The following MBD5 variants were observed in gnomAD, a reference collection of about 807,000 sequenced individuals.
The protein encoded by MBD5 is methyl-CpG-binding domain protein 5.
MBD5 carries 13 observed loss-of-function variants against 117.3 expected under a neutral mutation model. That is an observed-to-expected ratio of 0.11 (90% CI 0.07 to 0.18). MBD5 has a LOEUF of 0.18. MBD5 is among the 10% of genes least tolerant of loss of function. The pLI is 1.00. For synonymous variants in MBD5, 727 were observed against 766.4 expected (o/e 0.95, Z 0.85); for missense variants, 1,879 against 2,093.8 (o/e 0.90, Z 2.00).
intron 1 of MBD5, among the ~76,000 whole-genome samples, chr2:148,062,818 T>C (rs139895880): frequency 2.7e-4 from 41 of 152,236 alleles, no homozygotes; most frequent in Non-Finnish European, 3.4e-4. Flanking sequence ...AAAATCACAC[T>C]CTTTTTCTAG....
chr2:148,277,244 T>A (rs1003057539), intron 3 of MBD5, among the ~76,000 whole-genome samples: 1 of 152,106 alleles, frequency 6.6e-6, no homozygotes, highest in Non-Finnish European at 1.5e-5. Context: ...TGAATAATAT[T>A]TGGGTAATAG....
At chr2:148,104,264 C>G (rs983148850) in intron 1 of MBD5, among the ~76,000 whole-genome samples, 3 of 151,936 alleles carry the variant, frequency 2.0e-5, no homozygotes, top group Non-Finnish European at 4.4e-5. Flanking sequence ...AATCTTGTAC[C>G]TGATACTTGG....
At chr2:148,151,247 T>C (rs1467528783) in intron 1 of MBD5, among the ~76,000 whole-genome samples, 1 of 152,090 alleles carries the variant, frequency 6.6e-6, no homozygotes, top group Non-Finnish European at 1.5e-5. Context: ...ATTACATTTA[T>C]TGATTTGCAT....
At chr2:148,107,958 C>T (rs1696411496) in intron 1 of MBD5, among the ~76,000 whole-genome samples, 1 of 152,054 alleles carries the variant, frequency 6.6e-6, no homozygotes, top group South Asian at 2.1e-4. Context: ...TGTAGGATCA[C>T]TTTAAATTGT....
chr2:148,307,396 T>C (rs1701919021), intron 3 of MBD5, among the ~76,000 whole-genome samples: 1 of 15,278 alleles, frequency 6.5e-5, no homozygotes, highest in African/African-American at 7.0e-5. Flanking sequence ...AATTTCTTTT[T>C]CACAAACTTT....
At chr2:148,209,790 G>C (rs140210670) in intron 2 of MBD5, among the ~76,000 whole-genome samples, 1 of 151,912 alleles carries the variant, frequency 6.6e-6, no homozygotes, top group Admixed American at 6.6e-5. Flanking sequence ...AGCAAGGGGC[G>C]GGGGGAGGTG....
chr2:148,329,073 T>C (rs931597529), intron 3 of MBD5, among the ~76,000 whole-genome samples: 1 of 152,186 alleles, frequency 6.6e-6, no homozygotes, highest in African/African-American at 2.4e-5. Context: ...TAGGTAATGA[T>C]AATAGAGGGT....
At chr2:148,091,946 G>A (rs1184669408) in intron 1 of MBD5, among the ~76,000 whole-genome samples, 3 of 151,994 alleles carry the variant, frequency 2.0e-5, no homozygotes, top group Non-Finnish European at 4.4e-5. Flanking sequence ...GAATCTACAA[G>A]GAACTCAAAC....
intron 1 of MBD5, among the ~76,000 whole-genome samples, chr2:148,103,978 A>T (rs1258249845): frequency 6.6e-6 from 1 of 152,152 alleles, no homozygotes; most frequent in African/African-American, 2.4e-5. Flanking sequence ...TGAGGCTGTG[A>T]GAATATGAGA....
intron 1 of MBD5, among the ~76,000 whole-genome samples, chr2:148,081,697 G>A (rs531787789): frequency 1.3e-5 from 2 of 152,044 alleles, no homozygotes; most frequent in African/African-American, 2.4e-5. Context: ...CTGTGTTGCC[G>A]CAGAACCCAT....
chr2:148,510,116 T>C lies in MBD5; in HGVS notation c.5093T>C (p.Leu1698Pro). 1.2e-6 allele frequency: 2 copies of C among 1,611,070 alleles called. No individual in the cohort carries two copies. Among genetic ancestry groups the C allele is most frequent in the Non-Finnish European group, 8.5e-7 (1 of 1,177,356 alleles). Residue 1698 changes from leucine (L) to proline (P), a missense_variant, in exon 13 of 14, where the codon CTG becomes CCG. Transcript: ENST00000642680. ...GCTATTCATGAGGCCATGAGTGAAC[T>C]GGACAAAATGTCTGGGACTGTAAGT... ...EAAIHEAMSE[L>P]DKMSGTVHQI...
At chr2:148,328,179 G>A (rs1702518240) in intron 3 of MBD5, among the ~76,000 whole-genome samples, 1 of 152,240 alleles carries the variant, frequency 6.6e-6, no homozygotes, top group African/African-American at 2.4e-5. Flanking sequence ...GGACCCACTT[G>A]AGGAGGCAGT....
At chr2:148,022,740 A>C (rs1328011181) in intron 1 of MBD5, among the ~76,000 whole-genome samples, 1 of 152,216 alleles carries the variant, frequency 6.6e-6, no homozygotes, top group Non-Finnish European at 1.5e-5. Context: ...AATTTCTAAA[A>C]TATGTTTTCA....
chr2:148,491,546 T>G (rs1273773691), intron 11 of MBD5, among the ~76,000 whole-genome samples: 2 of 152,044 alleles, frequency 1.3e-5, no homozygotes, highest in Non-Finnish European at 2.9e-5. Flanking sequence ...TGCTCAAACT[T>G]TCACTGGCAC....
intron 1 of MBD5, among the ~76,000 whole-genome samples, chr2:148,124,050 A>G (rs532067450): frequency 1.3e-5 from 2 of 152,152 alleles, no homozygotes; most frequent in East Asian, 3.9e-4. Context: ...TGGCCAAGGA[A>G]GGTGGATCAC....
intron 3 of MBD5, among the ~76,000 whole-genome samples, chr2:148,328,580 T>C (rs899593831): frequency 1.3e-5 from 2 of 152,132 alleles, no homozygotes; most frequent in Non-Finnish European, 2.9e-5. Context: ...AAGCGCAGTA[T>C]TCGGGTGGGA....
chr2:148,253,895 G>A (rs983499571), intron 3 of MBD5, among the ~76,000 whole-genome samples: 11 of 152,328 alleles, frequency 7.2e-5, no homozygotes, highest in South Asian at 4.2e-4. Flanking sequence ...GTGCGGGGTT[G>A]TGCACCTGCA....
intron 12 of MBD5, among the ~76,000 whole-genome samples, chr2:148,509,652 C>T (rs756618916): frequency 6.6e-6 from 1 of 152,160 alleles, no homozygotes; most frequent in Non-Finnish European, 1.5e-5. Flanking sequence ...GCAGTTCAGC[C>T]CCTCCGCCCT....
Position 148,516,915 on chromosome 2 carries a change from G to A in MBD5, c.*3974G>A, listed in dbSNP as rs1682354109. 6.6e-6 allele frequency: 1 copy of A among 152,164 alleles called. No homozygotes were observed. Among genetic ancestry groups the A allele is most frequent in the African/African-American group, 2.4e-5 (1 of 41,430 alleles). 9.4% of individuals were successfully genotyped at this position (152,164 alleles called of 1,614,324 possible). A position where few individuals can be genotyped will look rare whatever the true frequency, so the allele number is the denominator to read the frequency against. Reference sequence around the variant, plus strand: ...AGATGGCTTCATAATATACAAATGTGTTTTGTAACATCATGCCTTTATGGA... The same window carrying A: ...AGATGGCTTCATAATATACAAATGTATTTTGTAACATCATGCCTTTATGGA... On this transcript the variant is annotated 3_prime_UTR_variant, in exon 14 of 14. Transcript: ENST00000642680.
Sources: gnomAD v4.1 joint callset for allele counts (sites outside exome capture counted in the v4.1 genomes callset) on GRCh38, gnomAD v4.1.1 for gene constraint, MANE v1.5 for transcripts, NCBI Gene and HGNC (gene_info 2026-07-23, HGNC 2026-07-21) for gene names.